Variants in FYN observed in about 807,000 individuals in gnomAD.
FYN encodes the protein tyrosine-protein kinase Fyn.
In FYN, 10 loss-of-function variants were observed where a neutral mutation model predicts 70.2. The ratio of observed to expected loss-of-function variants is 0.14; its 90% CI spans 0.09 to 0.24. The LOEUF is 0.24. Ranked by LOEUF, FYN falls within the 10% of genes least tolerant of loss-of-function variation. The pLI is 1.00. For missense variants in FYN, 319 were observed against 673.1 expected, an observed-to-expected ratio of 0.47 and a Z score of 5.82; for synonymous variants, 236 against 248.6, an observed-to-expected ratio of 0.95 and a Z score of 0.48.
intron 1 of FYN, among the ~76,000 whole-genome samples, chr6:111,864,888 G>T (rs537180104): frequency 6.6e-6 from 1 of 152,272 alleles, no homozygotes; most frequent in Admixed American, 6.5e-5. Context: ...TGACTAATGG[G>T]TATAATAATA....
chr6:111,725,039 T>C (rs1375076233), intron 3 of FYN, among the ~76,000 whole-genome samples: 1 of 151,892 alleles, frequency 6.6e-6, no homozygotes, highest in Non-Finnish European at 1.5e-5. Flanking sequence ...AACACACTTT[T>C]TCAGTCAGCA....
intron 2 of FYN, among the ~76,000 whole-genome samples, chr6:111,826,830 C>T (rs72942199): frequency 7.2e-4 from 109 of 152,310 alleles, no homozygotes; most frequent in Non-Finnish European, 1.3e-3. Flanking sequence ...GTGCCTAGCT[C>T]ATACCAGGGA....
chr6:111,790,428 T>G (rs1052709255), intron 2 of FYN, among the ~76,000 whole-genome samples: 1 of 152,100 alleles, frequency 6.6e-6, no homozygotes, highest in African/African-American at 2.4e-5. Flanking sequence ...TGGGTAACTC[T>G]AAAGTCCTAA....
intron 3 of FYN, among the ~76,000 whole-genome samples, chr6:111,739,391 C>T (rs541887889): frequency 6.6e-6 from 1 of 152,304 alleles, no homozygotes; most frequent in East Asian, 1.9e-4. Context: ...GGAGGACATA[C>T]AGGGAGCCCA....
At chr6:111,665,371 C>T (rs998413110) in intron 13 of FYN, among the ~76,000 whole-genome samples, 1 of 152,036 alleles carries the variant, frequency 6.6e-6, no homozygotes, top group African/African-American at 2.4e-5. Flanking sequence ...ATGGCTTTTA[C>T]TCTGCACACT....
chr6:111,869,695 G>A (rs985454999), intron 1 of FYN, among the ~76,000 whole-genome samples: 1 of 152,174 alleles, frequency 6.6e-6, no homozygotes, highest in Non-Finnish European at 1.5e-5. Context: ...CATCCAGAAG[G>A]AGTGTGATTT....
At chr6:111,802,858 A>G (rs1376127199) in intron 2 of FYN, among the ~76,000 whole-genome samples, 2 of 152,152 alleles carry the variant, frequency 1.3e-5, no homozygotes, top group Non-Finnish European at 2.9e-5. Flanking sequence ...GCCACAGTCC[A>G]CTTAACCACT....
intron 2 of FYN, among the ~76,000 whole-genome samples, chr6:111,802,269 C>G (rs1772011277): frequency 1.3e-5 from 2 of 152,140 alleles, no homozygotes; most frequent in South Asian, 4.2e-4. Flanking sequence ...TCCTCTTGCT[C>G]TGGCCATGTG....
chr6:111,860,827 C>T (rs10499061), intron 1 of FYN, among the ~76,000 whole-genome samples: 7,413 of 152,282 alleles, frequency 0.049, 257 homozygotes, highest in Middle Eastern at 0.1. Context: ...CAACCTCTAA[C>T]ACTTGGCAGT....
intron 2 of FYN, among the ~76,000 whole-genome samples, chr6:111,799,800 C>T (rs534989940): frequency 6.6e-6 from 1 of 152,332 alleles, no homozygotes; most frequent in Admixed American, 6.5e-5. Context: ...GTGCAATTCC[C>T]TTCTTACTGC....
At chr6:111,779,682 G>C (rs1301484788) in intron 3 of FYN, among the ~76,000 whole-genome samples, 1 of 152,196 alleles carries the variant, frequency 6.6e-6, no homozygotes, top group South Asian at 2.1e-4. Context: ...AGGAGGGGTT[G>C]TGGTGAGTAG....
intron 8 of FYN, 93 bp from the exon 9 acceptor site, chr6:111,700,361 C>A: frequency 7.8e-7 from 1 of 1,289,882 alleles, no homozygotes; most frequent in Non-Finnish European, 1.1e-6. Flanking sequence ...TAGCGGCGCA[C>A]AGTGCTCCTC....
At chr6:111,799,730 G>A (rs968181242) in intron 2 of FYN, among the ~76,000 whole-genome samples, 1 of 152,182 alleles carries the variant, frequency 6.6e-6, no homozygotes, top group African/African-American at 2.4e-5. Flanking sequence ...GCAGGGCAGG[G>A]CACAAGTGGT....
intron 2 of FYN, among the ~76,000 whole-genome samples, chr6:111,794,784 T>C (rs1244260544): frequency 1.3e-5 from 2 of 152,226 alleles, no homozygotes; most frequent in African/African-American, 2.4e-5. Flanking sequence ...AGAGACTGTA[T>C]GGCCCGCAAA....
At chr6:111,754,968 GT>G (rs56205301) in intron 3 of FYN, among the ~76,000 whole-genome samples, 45,967 of 142,700 alleles carry the variant, frequency 0.32, 7,977 homozygotes, top group East Asian at 0.5. Context: ...AATTTAAGCT[GT>G]TTTTTTTTTT....
chr6:111,797,302 A>C (rs6908866), intron 2 of FYN, among the ~76,000 whole-genome samples: 47,348 of 152,030 alleles, frequency 0.31, 12,031 homozygotes, highest in African/African-American at 0.71. Flanking sequence ...TGAAAGGAAA[A>C]CAGGATACGG....
At chr6:111,699,688 A>C (rs1799742381) in intron 9 of FYN, 1 of 1,607,514 alleles carries the variant, frequency 6.2e-7, no homozygotes, top group Admixed American at 1.7e-5. Flanking sequence ...AAAGGGAATT[A>C]ATAAAGAAAA....
chr6:111,769,792 A>C (rs1003776923), intron 3 of FYN, among the ~76,000 whole-genome samples: 7 of 152,172 alleles, frequency 4.6e-5, no homozygotes, highest in African/African-American at 1.7e-4. Context: ...AGAGAAAGAA[A>C]ATTATGGAAA....
At chr6:111,662,631 CA>C (rs916911011) in intron 13 of FYN, among the ~76,000 whole-genome samples, 1 of 152,100 alleles carries the variant, frequency 6.6e-6, no homozygotes, top group Non-Finnish European at 1.5e-5. Flanking sequence ...ATAAAGCAGA[CA>C]AAAAAATCCA....
Sources: gnomAD v4.1 joint callset for allele counts (sites outside exome capture counted in the v4.1 genomes callset) on GRCh38, gnomAD v4.1.1 for gene constraint, MANE v1.5 for transcripts, NCBI Gene and HGNC (gene_info 2026-07-23, HGNC 2026-07-21) for gene names.